The following SAPCD2 variants were observed in gnomAD, a reference collection of about 807,000 sequenced individuals.
SAPCD2 encodes suppressor APC domain-containing protein 2.
In SAPCD2, 34 loss-of-function variants were observed where a neutral mutation model predicts 37.8. The ratio of observed to expected loss-of-function variants is 0.90; its 90% CI spans 0.68 to 1.20. SAPCD2 has a LOEUF of 1.20. Ranked by LOEUF, SAPCD2 falls within the 50% of genes most tolerant of loss-of-function variation. The pLI, the probability that SAPCD2 is intolerant of heterozygous loss-of-function variation, is 0.00. For synonymous variants in SAPCD2, 275 were observed against 270.3 expected (o/e 1.02, Z -0.17); for missense variants, 572 against 584.7 (o/e 0.98, Z 0.22).
intron 1 of SAPCD2, among the ~76,000 whole-genome samples, chr9:137,066,827 C>A (rs1832552889): frequency 6.6e-6 from 1 of 152,150 alleles, no homozygotes; most frequent in South Asian, 2.1e-4. Context: ...ATGACGGAAA[C>A]CTAACTTTTC....
intron 3 of SAPCD2, 67 bp from the exon 4 acceptor site, chr9:137,065,252 T>C (rs1832526779): frequency 2.5e-6 from 3 of 1,185,132 alleles, no homozygotes; most frequent in East Asian, 2.6e-5. Flanking sequence ...GGTGCCTTGA[T>C]AGGGGTTCCC....
chr9:137,062,666 G>A lies in SAPCD2; in HGVS notation c.*1993C>T, dbSNP rs1051681479. 7 of 152,222 alleles carry A rather than the reference G, an allele frequency of 4.6e-5. No homozygotes were observed. Among genetic ancestry groups the A allele is most frequent in the Admixed American group, 6.5e-5 (1 of 15,278 alleles). The allele number at this position is 152,222 out of a possible 1,614,324, so 9.4% of individuals were successfully genotyped here. A position where few individuals can be genotyped will look rare whatever the true frequency, so the allele number is the denominator to read the frequency against. ...CTGCACGGAGACTGACCCGCCCAGC[G>A]TCCTAGGGCAGGCTCCAGGCAGGGT... On this transcript the variant is annotated 3_prime_UTR_variant, in exon 6 of 6. Coordinates refer to ENST00000409687, the MANE Select transcript of SAPCD2 (RefSeq NM_178448.4).
rs1426945325 is a variant in SAPCD2, at chr9:137,064,700, T to G, written c.1144A>C (p.Ser382Arg). 6.3e-7 allele frequency: 1 copy of G among 1,595,718 alleles called. No homozygotes were observed. The highest frequency in any genetic ancestry group is 8.5e-7 in the Non-Finnish European group (1 of 1,172,366). ...TCCAGAGGTCCCCCGTCCTGCTGGC[T>G]CAGGGCGCGGGCCTCAAACAGCTGC... ...IKQLFEARAL[S>R]QQDGGPLDST... The change falls in exon 6 of 6, where the codon AGC becomes CGC. Residue 382 changes from serine to arginine, a missense_variant. Transcript: ENST00000409687.
chr9:137,064,471 G>A lies in SAPCD2; in HGVS notation c.*188C>T. On this transcript the variant is annotated 3_prime_UTR_variant, in exon 6 of 6. Transcript: ENST00000409687. ...GGAGCCAAAACGGAGTCAAGCGCTCGGTGCGGGGACCAGCCGGGGGCAGGC... is the reference window on the plus strand; with the variant it reads ...GGAGCCAAAACGGAGTCAAGCGCTCAGTGCGGGGACCAGCCGGGGGCAGGC... 5 of 654,950 alleles carry A rather than the reference G, an allele frequency of 7.6e-6. No individual in the cohort carries two copies. Among genetic ancestry groups the A allele is most frequent in the East Asian group, 2.7e-5 (1 of 36,382 alleles). 40.6% of individuals were successfully genotyped at this position (654,950 alleles called of 1,614,324 possible).
rs1832609335 is a variant in SAPCD2, at chr9:137,070,403, T to A, written c.58A>T (p.Ser20Cys). The change falls in exon 1 of 6, where the codon AGC (serine) becomes TGC (cysteine). Residue 20 changes from serine to cysteine, a missense_variant. Transcript: ENST00000409687. The stretch of plus-strand genomic sequence containing the variant: ...AAGGCGCGCGGCAGCCCCTCCGTGC[T>A]GGGCGCGGGTGCGGGGGGAGGCACG... ...GRVPPPAPAP[S>C]TEGLPRAFLQ... 7.5e-7 allele frequency: 1 copy of A among 1,333,862 alleles called. No individual in the cohort carries two copies. Among genetic ancestry groups the A allele is most frequent in the Non-Finnish European group, 9.6e-7 (1 of 1,040,182 alleles). The allele number at this position is 1,333,862 out of a possible 1,614,324, so 82.6% of individuals were successfully genotyped here.
rs1264796627 is a variant in SAPCD2, at chr9:137,064,627, C to T, written c.*32G>A. 6.3e-7 allele frequency: 1 copy of T among 1,579,402 alleles called. No individual in the cohort carries two copies. The highest frequency in any genetic ancestry group is 8.6e-7 in the Non-Finnish European group (1 of 1,163,988). On this transcript the variant is annotated 3_prime_UTR_variant, in exon 6 of 6. Coordinates refer to ENST00000409687, the MANE Select transcript of SAPCD2 (RefSeq NM_178448.4). Reference sequence around the variant, plus strand: ...CACCCTCGAAGGGCTGAGTGCCAGGCTGGCCCTGGGGGCCCACGCGGCCCA... The same window carrying T: ...CACCCTCGAAGGGCTGAGTGCCAGGTTGGCCCTGGGGGCCCACGCGGCCCA...
At chr9:137,066,188 C>A (rs11145987) in intron 2 of SAPCD2, 74 bp downstream of exon 2, 1 of 1,177,178 alleles carries the variant, frequency 8.5e-7, no homozygotes, top group South Asian at 1.3e-5. Flanking sequence ...AGGCTCAAGG[C>A]CCCCCTGCTC....
At chr9:137,069,805 T>C in intron 1 of SAPCD2, 85 bp downstream of exon 1, 2 of 955,466 alleles carry the variant, frequency 2.1e-6, no homozygotes, top group South Asian at 4.7e-5. Flanking sequence ...TTGTGGGAAA[T>C]GCACGGGCAG....
chr9:137,064,609 G>T lies in SAPCD2; in HGVS notation c.*50C>A, dbSNP rs2131527423. 1 of 1,562,776 alleles carries T rather than the reference G, an allele frequency of 6.4e-7. No homozygotes were observed. Among genetic ancestry groups the T allele is most frequent in the East Asian group, 2.4e-5 (1 of 42,194 alleles). The stretch of plus-strand genomic sequence containing the variant: ...TGGGTGCGATGGGGCGCCCACCCTC[G>T]AAGGGCTGAGTGCCAGGCTGGCCCT... On this transcript the variant is annotated 3_prime_UTR_variant, in exon 6 of 6. Coordinates refer to ENST00000409687, the MANE Select transcript of SAPCD2 (RefSeq NM_178448.4).
At chr9:137,065,800 A>G in intron 2 of SAPCD2, 132 bp from the exon 3 acceptor site, 1 of 1,148,416 alleles carries the variant, frequency 8.7e-7, no homozygotes, top group South Asian at 1.5e-5. Flanking sequence ...CACGTTTGCA[A>G]ACACCCACGG....
chr9:137,068,714 C>T (rs1407173098), intron 1 of SAPCD2, among the ~76,000 whole-genome samples: 3 of 152,220 alleles, frequency 2.0e-5, no homozygotes, highest in East Asian at 3.8e-4. Context: ...GAGCCAGTGC[C>T]GCATGGGGCA....
Position 137,069,910 on chromosome 9 carries a change from G to C in SAPCD2, c.551C>G (p.Pro184Arg), listed in dbSNP as rs1411213614. ...CTCACCTGCGTCCGCGCTGGAGCTC[G>C]GTTCCAGCGCCGCGCTCTGGGACCG... ...PERSQSAALE[P>R]SSSADAGAVA... The change falls in exon 1 of 6, where the codon CCG (proline) becomes CGG (arginine). Residue 184 changes from proline (P) to arginine (R), a missense_variant. Pro to Arg is a moderately radical substitution (Grantham distance 103). Coordinates refer to ENST00000409687, the MANE Select transcript of SAPCD2 (RefSeq NM_178448.4). 7 of 1,278,358 alleles carry C rather than the reference G, an allele frequency of 5.5e-6. No homozygotes were observed. The South Asian group carries it at 1.5e-4, about 27-fold the overall frequency. 79.2% of individuals were successfully genotyped at this position (1,278,358 alleles called of 1,614,324 possible).
intron 2 of SAPCD2, 72 bp from the exon 3 acceptor site, chr9:137,065,740 A>C: frequency 6.6e-6 from 10 of 1,516,942 alleles, no homozygotes; most frequent in Non-Finnish European, 8.9e-6. Flanking sequence ...GCATGAGCTC[A>C]CCTGTGGGTG....
At chr9:137,069,836 C>T (rs1473896682) in intron 1 of SAPCD2, 54 bp downstream of exon 1, 14 of 1,178,878 alleles carry the variant, frequency 1.2e-5, no homozygotes, top group African/African-American at 1.6e-5. Context: ...ACTGCGGTTT[C>T]TGGCCCGGGC....
chr9:137,064,325 C>T lies in SAPCD2; in HGVS notation c.*334G>A, dbSNP rs112624038. On this transcript the variant is annotated 3_prime_UTR_variant, in exon 6 of 6. Transcript: ENST00000409687. ...CTTTCCCTGAAGATGGGACCCAGGG[C>T]GGCACCGCTGGAAACGGGGGGACGC... is the stretch of plus-strand genomic sequence containing the variant. 1.2e-4 allele frequency: 45 copies of T among 388,404 alleles called. No individual in the cohort carries two copies. The highest frequency in any genetic ancestry group is 6.6e-4 in the African/African-American group (31 of 47,088). The allele number at this position is 388,404 out of a possible 1,614,324, so 24.1% of individuals were successfully genotyped here.
In SAPCD2 at chr9:137,063,649, A is replaced by C. The variant is rs1832497343; in HGVS notation, c.*1010T>G. 1 of 152,246 alleles carries C rather than the reference A, an allele frequency of 6.6e-6. No homozygotes were observed. Among genetic ancestry groups the C allele is most frequent in the Non-Finnish European group, 1.5e-5 (1 of 68,122 alleles). The allele number at this position is 152,246 out of a possible 1,614,324, so 9.4% of individuals were successfully genotyped here. A position where few individuals can be genotyped will look rare whatever the true frequency, so the allele number is the denominator to read the frequency against. On this transcript the variant is annotated 3_prime_UTR_variant, in exon 6 of 6. Coordinates refer to ENST00000409687, the MANE Select transcript of SAPCD2 (RefSeq NM_178448.4). ...TTGGGCTGAGCAGGGCCCCCCCACC[A>C]GTGCGTACTCCAGCACCAGCGGGAG...
At position 137,070,099 on chromosome 9, in the gene SAPCD2, TGCG is replaced by T. The variant is rs930150269; in HGVS notation, c.359_361del (p.Pro120del). On this transcript the variant is annotated inframe_deletion, in exon 1 of 6. Coordinates refer to ENST00000409687, the MANE Select transcript of SAPCD2 (RefSeq NM_178448.4). ...GTCGGCCGGAGCGAACACCAGGCGC[TGCG>T]GCGGCGGCGGCGGCTGATCCCCGGG... 2.3e-4 allele frequency: 274 copies of T among 1,184,098 alleles called. No homozygotes were observed. The highest frequency in any genetic ancestry group is 8.8e-4 in the East Asian group (24 of 27,372). 73.3% of individuals were successfully genotyped at this position (1,184,098 alleles called of 1,614,324 possible).
At position 137,062,219 on chromosome 9, in the gene SAPCD2, G is replaced by A. The variant is rs1588561687; in HGVS notation, c.*2440C>T. 1 of 152,044 alleles carries A rather than the reference G, an allele frequency of 6.6e-6. No individual in the cohort carries two copies. Among genetic ancestry groups the A allele is most frequent in the East Asian group, 1.9e-4 (1 of 5,202 alleles). 9.4% of individuals were successfully genotyped at this position (152,044 alleles called of 1,614,324 possible). The stretch of plus-strand genomic sequence containing the variant: ...GATAATTCTAGTATCTGGGTCTAGA[G>A]TCAATCTGTTGCTTCTGCTGGGTCT... On this transcript the variant is annotated 3_prime_UTR_variant, in exon 6 of 6. Coordinates refer to ENST00000409687, the MANE Select transcript of SAPCD2 (RefSeq NM_178448.4).
In SAPCD2 at chr9:137,064,646, C is replaced by T. The variant is rs373557256; in HGVS notation, c.*13G>A. On this transcript the variant is annotated 3_prime_UTR_variant, in exon 6 of 6. Coordinates refer to ENST00000409687, the MANE Select transcript of SAPCD2 (RefSeq NM_178448.4). ...GCCAGGCTGGCCCTGGGGGCCCACG[C>T]GGCCCACAAGGACTAGATGAAGGTG... 7.5e-5 allele frequency: 119 copies of T among 1,591,124 alleles called. No individual in the cohort carries two copies. Among genetic ancestry groups the T allele is most frequent in the African/African-American group, 3.6e-4 (27 of 74,632 alleles).
Sources: allele counts gnomAD v4.1 joint callset (sites outside exome capture counted in the v4.1 genomes callset), GRCh38; gene constraint gnomAD v4.1.1; transcripts MANE v1.5; gene names NCBI Gene and HGNC (gene_info 2026-07-23, HGNC 2026-07-21).